Variants in HNRNPA2B1 observed in about 807,000 individuals in gnomAD.
The protein encoded by HNRNPA2B1 is heterogeneous nuclear ribonucleoprotein A2/B1.
In HNRNPA2B1, 3 loss-of-function variants were observed where a neutral mutation model predicts 46.3. The observed-to-expected ratio is 0.06, with a 90% CI of 0.03 to 0.17. The LOEUF is 0.17. Among genes scored for constraint, HNRNPA2B1 ranks in the 10% least tolerant of loss-of-function variants. The pLI is 1.00. For missense variants in HNRNPA2B1, 221 were observed against 418.9 expected, an observed-to-expected ratio of 0.53 and a Z score of 4.12; for synonymous variants, 225 against 133.8, an observed-to-expected ratio of 1.68 and a Z score of -4.70.
rs745930814 is a variant in HNRNPA2B1, at chr7:26,197,287, A to C, written c.264+28T>G. On this transcript the variant is annotated intron_variant, in intron 3 of 10. Coordinates refer to ENST00000618183, the MANE Select transcript of HNRNPA2B1 (RefSeq NM_002137.4). ...CAGCAGGGCAGCGTTCTTCATGTTA[A>C]TGCACAAGACAGTCATTGTTTGCTT... 11 of 1,574,484 alleles carry C rather than the reference A, an allele frequency of 7.0e-6. 1 individual carries two copies. The South Asian group carries it at 1.2e-4, about 17-fold the overall frequency.
chr7:26,200,225 C>A, intron 1 of HNRNPA2B1: 1 of 320,212 alleles, frequency 3.1e-6, no homozygotes, highest in East Asian at 6.2e-5. Context: ...CCGAAACGCT[C>A]GCCGAGGAGA....
intron 9 of HNRNPA2B1, 34 bp from the exon 10 acceptor site, chr7:26,192,611 T>G (rs746137254): frequency 7.7e-6 from 12 of 1,560,016 alleles, no homozygotes; most frequent in Non-Finnish European, 1.1e-5. Context: ...GAAAACAAAC[T>G]TACTTTGATT....
intron 1 of HNRNPA2B1, chr7:26,199,077 T>G: frequency 6.6e-6 from 1 of 152,366 alleles, no homozygotes; most frequent in East Asian, 1.9e-4. Context: ...AGCTAGTTTT[T>G]ATTCTTAATT....
In HNRNPA2B1 at chr7:26,200,375, GGAGGCT is replaced by G. The variant is rs538696426; in HGVS notation, c.6+191_6+196del. 702 of 650,730 alleles carry G rather than the reference GGAGGCT, an allele frequency of 1.1e-3. 4 individuals carry two copies. The African/African-American group carries it at 0.011, about 11-fold the overall frequency. The allele number at this position is 650,730 out of a possible 1,614,324, so 40.3% of individuals were successfully genotyped here. On this transcript the variant is annotated intron_variant, in intron 1 of 10. Coordinates refer to ENST00000618183, the MANE Select transcript of HNRNPA2B1 (RefSeq NM_002137.4). ...CCCCCAGTGAAGGGAAATGGCGCCG[GGAGGCT>G]GAGGGTGGGGAAGCTGTTTGTACGC...
Position 26,197,477 on chromosome 7 carries a change from G to A in HNRNPA2B1, c.118-16C>T, listed in dbSNP as rs764779949. On this transcript the variant is annotated splice_polypyrimidine_tract_variant and intron_variant, in intron 2 of 10. Transcript: ENST00000618183. ...CCCTCATTACCTTTCAAACCAAAGG[G>A]TAAACTTTAGCATTTAATCTCATTA... 10 of 1,611,374 alleles carry A rather than the reference G, an allele frequency of 6.2e-6. No homozygotes were observed. In the Admixed American group the frequency reaches 8.4e-5, roughly 14 times the overall value.
chr7:26,195,587 T>C (rs977014083), intron 7 of HNRNPA2B1: 1 of 470,204 alleles, frequency 2.1e-6, no homozygotes, highest in Non-Finnish European at 3.8e-6. Flanking sequence ...AAGATATATC[T>C]AGATCCAATC....
intron 6 of HNRNPA2B1, 91 bp from the exon 7 acceptor site, chr7:26,196,000 A>C: frequency 6.8e-7 from 1 of 1,477,496 alleles, no homozygotes; most frequent in Non-Finnish European, 9.0e-7. Context: ...ACCTCAGCAC[A>C]ATAATTAAGA....
Position 26,192,553 on chromosome 7 carries a change from C to G in HNRNPA2B1, c.989G>C (p.Gly330Ala), listed in dbSNP as rs1452649323. Residue 330 changes from glycine to alanine, a missense_variant, in exon 10 of 11, where the codon GGA becomes GCA. Physicochemically the swap from Gly to Ala is moderately conservative, Grantham distance 60. Transcript: ENST00000618183. ...GGGNYGPGGS[G>A]GSGGYGGRSR... is the part of the protein sequence containing the mutation. ...CCTCCCACCATAACCCCCACTTCCT[C>G]CACTGCCTCCTGGACCATAGTTTCC... is the stretch of plus-strand genomic sequence containing the variant. The G allele has an allele frequency of 6.2e-7, 1 of 1,613,998 alleles. No homozygotes were observed. The highest frequency in any genetic ancestry group is 2.2e-5 in the East Asian group (1 of 44,874).
chr7:26,196,738 T>C, intron 4 of HNRNPA2B1, 69 bp downstream of exon 4: 2 of 1,563,880 alleles, frequency 1.3e-6, no homozygotes, highest in Non-Finnish European at 1.8e-6. Context: ...TCAATAAAGT[T>C]ACAGATGTTA....
rs572435550 is a variant in HNRNPA2B1 at position 26,190,087 on chromosome 7, A to G, written c.*2273T>C. The G allele has an allele frequency of 6.6e-6, 1 of 152,650 alleles. No individual in the cohort carries two copies. The highest frequency in any genetic ancestry group is 1.5e-5 in the Non-Finnish European group (1 of 68,026). The allele number at this position is 152,650 out of a possible 1,614,324, so 9.5% of individuals were successfully genotyped here. On this transcript the variant is annotated 3_prime_UTR_variant, in exon 11 of 11. Transcript: ENST00000618183. ...TAGACAACCAAATATTTATAGAACA[A>G]GATTCACACATTTTATGTGTAAACA...
intron 8 of HNRNPA2B1, 65 bp from the exon 9 acceptor site, chr7:26,193,438 C>T (rs1236209032): frequency 1.3e-6 from 2 of 1,546,446 alleles, no homozygotes; most frequent in African/African-American, 2.8e-5. Context: ...GACAAAGCTC[C>T]CATAAAAACA....
At chr7:26,199,515 G>A (rs1437659838) in intron 1 of HNRNPA2B1, 2 of 152,188 alleles carry the variant, frequency 1.3e-5, no homozygotes. Flanking sequence ...AAAGGTCCAT[G>A]GATCTGTCCC....
At position 26,196,340 on chromosome 7, in the gene HNRNPA2B1, C is replaced by A. The variant is rs1417157197; in HGVS notation, c.658+61G>T. On this transcript the variant is annotated intron_variant, in intron 6 of 10. Transcript: ENST00000618183. ...GATTTCTTGATTCTACTAATGAAAACCTAATCATATTTAAAATAAAAGCAC... is the reference window on the plus strand; with the variant it reads ...GATTTCTTGATTCTACTAATGAAAAACTAATCATATTTAAAATAAAAGCAC... 3.0e-6 allele frequency: 4 copies of A among 1,355,846 alleles called. No homozygotes were observed. In the East Asian group the frequency reaches 6.9e-5, roughly 23 times the overall value. The allele number at this position is 1,355,846 out of a possible 1,614,324, so 84.0% of individuals were successfully genotyped here.
intron 1 of HNRNPA2B1, chr7:26,198,016 TAA>T (rs1255870784): frequency 3.4e-5 from 15 of 444,962 alleles, no homozygotes; most frequent in African/African-American, 3.1e-4. Flanking sequence ...TAAATTATCT[TAA>T]ATTATTAATT....
chr7:26,193,829 G>A (rs1783183490), intron 7 of HNRNPA2B1, 135 bp from the exon 8 acceptor site: 6 of 780,824 alleles, frequency 7.7e-6, no homozygotes, highest in African/African-American at 1.8e-5. Flanking sequence ...TAGCTTCAAG[G>A]ACTGAATAAC....
intron 7 of HNRNPA2B1, among the ~76,000 whole-genome samples, chr7:26,193,911 A>C (rs887322400): frequency 6.6e-6 from 1 of 152,234 alleles, no homozygotes; most frequent in African/African-American, 2.4e-5. Flanking sequence ...ACAGTTAAAT[A>C]CCTGTAATTC....
intron 4 of HNRNPA2B1, 71 bp downstream of exon 4, chr7:26,196,736 G>A (rs187402056): frequency 7.0e-6 from 11 of 1,561,016 alleles, no homozygotes; most frequent in East Asian, 4.5e-5. Flanking sequence ...TTTCAATAAA[G>A]TTACAGATGT....
chr7:26,191,006 A>C lies in HNRNPA2B1; in HGVS notation c.*1354T>G, dbSNP rs1012308565. The C allele has an allele frequency of 1.3e-5, 2 of 152,574 alleles. No individual in the cohort carries two copies. Among genetic ancestry groups the C allele is most frequent in the Admixed American group, 1.3e-4 (2 of 15,266 alleles). 9.5% of individuals were successfully genotyped at this position (152,574 alleles called of 1,614,324 possible). A position where few individuals can be genotyped will look rare whatever the true frequency, so the allele number is the denominator to read the frequency against. ...ACTTTTACCTACCATTTTACTACCAACACCACTGAAGGAACCAAGAAAAGC... is the reference window on the plus strand; with the variant it reads ...ACTTTTACCTACCATTTTACTACCACCACCACTGAAGGAACCAAGAAAAGC... On this transcript the variant is annotated 3_prime_UTR_variant, in exon 11 of 11. Transcript: ENST00000618183.
intron 1 of HNRNPA2B1, chr7:26,198,098 T>A (rs1783868475): frequency 2.7e-6 from 1 of 369,688 alleles, no homozygotes; most frequent in South Asian, 1.0e-4. Flanking sequence ...TTAAAGAATC[T>A]TTACCAAAAA....
Sources: gnomAD v4.1 joint callset for allele counts (sites outside exome capture counted in the v4.1 genomes callset) on GRCh38, gnomAD v4.1.1 for gene constraint, MANE v1.5 for transcripts, NCBI Gene and HGNC (gene_info 2026-07-23, HGNC 2026-07-21) for gene names.